ADORA2B: variants seen among roughly 807,000 people sequenced by gnomAD.
ADORA2B encodes the protein adenosine receptor A2b.
Under a neutral mutation model 20.8 loss-of-function variants are expected in ADORA2B, and 18 were observed. That is an observed-to-expected ratio of 0.87 (90% CI 0.60 to 1.29). The LOEUF (loss-of-function observed/expected upper bound fraction) is 1.29. ADORA2B is among the 50% of genes most tolerant of loss of function. ADORA2B has a pLI of 0.00. For missense variants in ADORA2B, 441 were observed against 422.7 expected, an observed-to-expected ratio of 1.04 and a Z score of -0.38; for synonymous variants, 179 against 178.3, an observed-to-expected ratio of 1.00 and a Z score of -0.03.
At chr17:15,966,553 T>G (rs1212326378) in intron 1 of ADORA2B, among the ~76,000 whole-genome samples, 1 of 152,250 alleles carries the variant, frequency 6.6e-6, no homozygotes, top group Non-Finnish European at 1.5e-5. Flanking sequence ...TATGCAGGCC[T>G]TGGCGGTTCC....
intron 1 of ADORA2B, among the ~76,000 whole-genome samples, chr17:15,957,923 T>G (rs113803163): frequency 1.3e-4 from 19 of 147,176 alleles, no homozygotes; most frequent in South Asian, 2.1e-4. Context: ...CTGCTGAGTG[T>G]TTTTTTTTGT....
chr17:15,912,636 G>T, the ADORA2B span, among the ~76,000 whole-genome samples: 1 of 152,192 alleles, frequency 6.6e-6, no homozygotes, highest in African/African-American at 2.4e-5. Flanking sequence ...CGTCTCGTTT[G>T]CCCAACATCT....
chr17:15,937,652 A>AACCTCT, the ADORA2B span, among the ~76,000 whole-genome samples: 1 of 151,582 alleles, frequency 6.6e-6, no homozygotes, highest in African/African-American at 2.4e-5. Context: ...GGCTCACTGC[A>AACCTCT]ACCTCTACCT....
At chr17:15,944,970 G>A, upstream of ADORA2B, 1 of 256,140 alleles carries the variant, frequency 3.9e-6, no homozygotes, top group Non-Finnish European at 7.4e-6. This position sits in a 1 kb window ranked among gnomAD's most constrained non-coding sequence, Gnocchi z 4.8. Context: ...CGCCTGGACC[G>A]GAGGGGCCCC....
At chr17:15,963,930 A>G (rs1970069020) in intron 1 of ADORA2B, among the ~76,000 whole-genome samples, 1 of 152,218 alleles carries the variant, frequency 6.6e-6, no homozygotes, top group African/African-American at 2.4e-5. Context: ...CATCACTGGA[A>G]TTCAGACATG....
the ADORA2B span, among the ~76,000 whole-genome samples, chr17:15,926,784 GATAGTGAAAC>G: frequency 6.6e-6 from 1 of 152,010 alleles, no homozygotes; most frequent in African/African-American, 2.4e-5. Flanking sequence ...GCCTAGGCAA[GATAGTGAAAC>G]TCCATCTTTA....
the ADORA2B span, among the ~76,000 whole-genome samples, chr17:15,852,936 T>TA: frequency 1.3e-5 from 2 of 151,586 alleles, no homozygotes; most frequent in Non-Finnish European, 2.9e-5. Context: ...ACAAGACAGA[T>TA]AGGGCAGAAG....
At chr17:15,878,896 G>T in the ADORA2B span, among the ~76,000 whole-genome samples, 1 of 151,934 alleles carries the variant, frequency 6.6e-6, no homozygotes, top group Non-Finnish European at 1.5e-5. Flanking sequence ...AGATTTTCTA[G>T]TAGGAAAAAA....
chr17:15,946,670 C>T (rs1406985094), intron 1 of ADORA2B, among the ~76,000 whole-genome samples: 1 of 152,154 alleles, frequency 6.6e-6, no homozygotes, highest in Non-Finnish European at 1.5e-5. Flanking sequence ...TACCAGAGGA[C>T]GGGTGCTGTA....
At chr17:15,851,558 A>G in the ADORA2B span, among the ~76,000 whole-genome samples, 1 of 152,130 alleles carries the variant, frequency 6.6e-6, no homozygotes, top group Non-Finnish European at 1.5e-5. Context: ...CTTCCCAGCC[A>G]TGCTTGCCAG....
At chr17:15,948,041 G>T (rs1969832223) in intron 1 of ADORA2B, among the ~76,000 whole-genome samples, 1 of 152,114 alleles carries the variant, frequency 6.6e-6, no homozygotes, top group Admixed American at 6.5e-5. Flanking sequence ...TGCCCTGTTT[G>T]GGAGGAGGTG....
intron 1 of ADORA2B, among the ~76,000 whole-genome samples, chr17:15,950,927 C>G (rs985687543): frequency 6.6e-6 from 1 of 152,272 alleles, no homozygotes; most frequent in Admixed American, 6.5e-5. Context: ...CATGTCCTTA[C>G]TCAGAGTCTC....
the ADORA2B span, among the ~76,000 whole-genome samples, chr17:15,874,064 G>A: frequency 4.9e-4 from 71 of 144,828 alleles, 1 homozygote; most frequent in African/African-American, 1.6e-3. Context: ...ATATATGTGT[G>A]TGTGTATATA....
At chr17:15,866,782 G>A in the ADORA2B span, among the ~76,000 whole-genome samples, 5 of 141,924 alleles carry the variant, frequency 3.5e-5, no homozygotes, top group African/African-American at 1.2e-4. Flanking sequence ...CTCTGATGCC[G>A]AGCCAAAGCT....
chr17:15,890,459 CTTTT>C, the ADORA2B span, among the ~76,000 whole-genome samples: 34 of 74,902 alleles, frequency 4.5e-4, 6 homozygotes, highest in Non-Finnish European at 5.3e-4. Flanking sequence ...TCATTCCTTT[CTTTT>C]ATTTATTTAT....
chr17:15,949,732 G>T (rs530769896), intron 1 of ADORA2B, among the ~76,000 whole-genome samples: 1 of 151,978 alleles, frequency 6.6e-6, no homozygotes, highest in Non-Finnish European at 1.5e-5. Context: ...TTAGCCGGGC[G>T]TGGTGGCACG....
At chr17:15,902,225 T>A in the ADORA2B span, among the ~76,000 whole-genome samples, 23 of 152,252 alleles carry the variant, frequency 1.5e-4, no homozygotes, top group African/African-American at 5.3e-4. Flanking sequence ...TCCTTTTTTT[T>A]TTTTTGAGAC....
At chr17:15,876,464 T>G in the ADORA2B span, among the ~76,000 whole-genome samples, 244 of 126,296 alleles carry the variant, frequency 1.9e-3, 1 homozygote, top group Admixed American at 3.1e-3. Context: ...TTTTTTTTTT[T>G]GTCATGCTAG....
chr17:15,931,955 C>T, the ADORA2B span, among the ~76,000 whole-genome samples: 2 of 152,082 alleles, frequency 1.3e-5, no homozygotes, highest in Non-Finnish European at 2.9e-5. Flanking sequence ...TATTCTCAAA[C>T]TCCTGACCTC....
Sources: gnomAD v4.1 joint callset for allele counts (sites outside exome capture counted in the v4.1 genomes callset) on GRCh38, gnomAD v4.1.1 for gene constraint, Gnocchi (gnomAD v3.1) non-coding constraint, MANE v1.5 for transcripts, NCBI Gene and HGNC (gene_info 2026-07-23, HGNC 2026-07-21) for gene names.